Variants in PEX14 observed in about 807,000 individuals in gnomAD.
The protein encoded by PEX14 is peroxisomal membrane protein PEX14.
Under a neutral mutation model 49.5 loss-of-function variants are expected in PEX14, and 15 were observed. The observed-to-expected ratio is 0.30, with a 90% CI of 0.20 to 0.47. The LOEUF (loss-of-function observed/expected upper bound fraction) is 0.47, where lower values mean the gene tolerates loss of function less well. Ranked by LOEUF, PEX14 falls within the 20% of genes least tolerant of loss-of-function variation. The pLI, the probability that PEX14 is intolerant of heterozygous loss-of-function variation, is 1.00. For missense variants in PEX14, 398 were observed against 494.8 expected (o/e 0.80, Z 1.86); for synonymous variants, 210 against 212.7 (o/e 0.99, Z 0.11).
At chr1:10,524,151 G>C (rs1261048583) in intron 2 of PEX14, among the ~76,000 whole-genome samples, 1 of 152,058 alleles carries the variant, frequency 6.6e-6, no homozygotes, top group African/African-American at 2.4e-5. Flanking sequence ...ATTTTATTTG[G>C]TTTTCCTGTA....
At chr1:10,618,675 G>C (rs1051189658) in intron 5 of PEX14, among the ~76,000 whole-genome samples, 1 of 152,254 alleles carries the variant, frequency 6.6e-6, no homozygotes, top group African/African-American at 2.4e-5. Flanking sequence ...CAGGGGCGTC[G>C]TGAGGTCTGT....
At chr1:10,604,995 G>A (rs1479147697) in intron 4 of PEX14, among the ~76,000 whole-genome samples, 1 of 152,012 alleles carries the variant, frequency 6.6e-6, no homozygotes, top group African/African-American at 2.4e-5. Flanking sequence ...TCTTTCCAGT[G>A]CCTCCATTCT....
intron 3 of PEX14, among the ~76,000 whole-genome samples, chr1:10,575,673 C>A (rs1307869109): frequency 6.6e-6 from 1 of 152,230 alleles, no homozygotes; most frequent in South Asian, 2.1e-4. Flanking sequence ...TTCTAACGTT[C>A]TTCTAGTTTC....
chr1:10,532,335 G>A (rs1216187450), intron 2 of PEX14, among the ~76,000 whole-genome samples: 1 of 151,920 alleles, frequency 6.6e-6, no homozygotes, highest in African/African-American at 2.4e-5. Flanking sequence ...TGTGGAATTG[G>A]TGGTGGCAGG....
chr1:10,607,484 G>A (rs760355967), intron 4 of PEX14, among the ~76,000 whole-genome samples: 7 of 152,222 alleles, frequency 4.6e-5, no homozygotes, highest in Admixed American at 2.6e-4. Flanking sequence ...TGGAGTGGTT[G>A]CATCATTTTA....
intron 3 of PEX14, among the ~76,000 whole-genome samples, chr1:10,580,876 C>G (rs747124): frequency 0.4 from 60,675 of 151,636 alleles, 13,139 homozygotes; most frequent in East Asian, 0.59. Flanking sequence ...AAAAGTAGTA[C>G]CTTATTTAAT....
At chr1:10,569,991 A>G (rs1453646228) in intron 3 of PEX14, among the ~76,000 whole-genome samples, 1 of 152,006 alleles carries the variant, frequency 6.6e-6, no homozygotes, top group African/African-American at 2.4e-5. Context: ...TGTGTTGTAT[A>G]TTGTTTTTTT....
intron 1 of PEX14, among the ~76,000 whole-genome samples, chr1:10,476,912 G>A (rs565182314): frequency 3.3e-5 from 5 of 152,152 alleles, no homozygotes; most frequent in African/African-American, 7.2e-5. Flanking sequence ...TGCCCTCTCT[G>A]TATATGTATT....
chr1:10,607,183 T>C (rs1294058749), intron 4 of PEX14, among the ~76,000 whole-genome samples: 6 of 152,144 alleles, frequency 3.9e-5, no homozygotes, highest in Admixed American at 1.3e-4. Flanking sequence ...CTCAGCGTAG[T>C]GTTGCCGAGA....
At position 10,613,654 on chromosome 1, in the gene PEX14, C is replaced by T. The variant is rs1641333938; in HGVS notation, c.299-4678C>T. The stretch of plus-strand genomic sequence containing the variant: ...AGCTAGGGCGCCGGTCCTTAGACAG[C>T]TGGGCTCTGAGTGAGAGTGAAGATA... On this transcript the variant is annotated intron_variant, in intron 4 of 8. Transcript: ENST00000356607. This position sits in a 1 kb window ranked among gnomAD's most constrained non-coding sequence, Gnocchi z 5.0. Among the ~76,000 whole-genome samples, 1 of 152,222 alleles carries T rather than the reference C, an allele frequency of 6.6e-6. No homozygotes were observed. Among genetic ancestry groups the T allele is most frequent in the Non-Finnish European group, 1.5e-5 (1 of 68,044 alleles).
chr1:10,608,752 A>C (rs1479212547), intron 4 of PEX14, among the ~76,000 whole-genome samples: 9 of 146,406 alleles, frequency 6.1e-5, no homozygotes, highest in Admixed American at 3.4e-4. Flanking sequence ...AAAAAAAAAA[A>C]CAAAGCTATC....
At chr1:10,477,209 T>C (rs1241778951) in intron 1 of PEX14, among the ~76,000 whole-genome samples, 1 of 152,118 alleles carries the variant, frequency 6.6e-6, no homozygotes, top group African/African-American at 2.4e-5. Flanking sequence ...TAGCTGGGAC[T>C]ACAGGCGCCC....
At chr1:10,511,821 A>G (rs565488222) in intron 2 of PEX14, among the ~76,000 whole-genome samples, 4 of 152,116 alleles carry the variant, frequency 2.6e-5, no homozygotes, top group Non-Finnish European at 4.4e-5. Flanking sequence ...TTGACTTCCA[A>G]GTCTTCTGTG....
chr1:10,596,867 G>A (rs886698668), intron 3 of PEX14, among the ~76,000 whole-genome samples: 4 of 152,228 alleles, frequency 2.6e-5, no homozygotes, highest in African/African-American at 9.7e-5. Context: ...TATAAATTTT[G>A]AGCCTCAAAT....
In PEX14 at chr1:10,623,560, C is replaced by T. The variant is rs914886477; in HGVS notation, c.487+439C>T. 4.5e-4 allele frequency among the ~76,000 whole-genome samples: 68 copies of T among 152,160 alleles called. No homozygotes were observed. Among genetic ancestry groups the T allele is most frequent in the South Asian group, 2.1e-4 (1 of 4,822 alleles). On this transcript the variant is annotated intron_variant, in intron 6 of 8. Coordinates refer to ENST00000356607, the MANE Select transcript of PEX14 (RefSeq NM_004565.3). This position sits in a 1 kb window ranked among gnomAD's most constrained non-coding sequence, Gnocchi z 4.4. ...CTCCCCTGTTATCGACTCAACAGGG[C>T]TCGCGTTCATTACCCAGTGCCCCAG...
chr1:10,503,307 GAAAGAAAGA>G (rs1185876998), intron 2 of PEX14, among the ~76,000 whole-genome samples: 944 of 67,026 alleles, frequency 0.014, 11 homozygotes, highest in African/African-American at 0.038. Context: ...AAAAAAAAAA[GAAAGAAAGA>G]AAAGAAAAGA....
At chr1:10,580,267 C>T (rs1372887085) in intron 3 of PEX14, among the ~76,000 whole-genome samples, 1 of 152,058 alleles carries the variant, frequency 6.6e-6, no homozygotes, top group Non-Finnish European at 1.5e-5. Flanking sequence ...CTCTGTCACC[C>T]AGGCTGGCAT....
intron 3 of PEX14, among the ~76,000 whole-genome samples, chr1:10,582,177 CTT>C (rs879519117): frequency 1.4e-5 from 2 of 144,998 alleles, no homozygotes; most frequent in African/African-American, 5.0e-5. Context: ...TGATAAACAG[CTT>C]TTTTTTTTTA....
chr1:10,581,585 T>C (rs1467734978), intron 3 of PEX14, among the ~76,000 whole-genome samples: 1 of 151,964 alleles, frequency 6.6e-6, no homozygotes, highest in African/African-American at 2.4e-5. Context: ...ATTACAGGCG[T>C]GAGCCACCGT....
Sources: allele counts gnomAD v4.1 joint callset (sites outside exome capture counted in the v4.1 genomes callset), GRCh38; gene constraint gnomAD v4.1.1; non-coding constraint Gnocchi (gnomAD v3.1); transcripts MANE v1.5; gene names NCBI Gene and HGNC (gene_info 2026-07-23, HGNC 2026-07-21).